The following CEP192 variants were observed in gnomAD, a reference collection of about 807,000 sequenced individuals.
CEP192 encodes centrosomal protein 192, also known as centrosomal protein of 192 kDa.
A neutral mutation model predicts 271.8 loss-of-function variants in CEP192; 151 were observed. That is an observed-to-expected ratio of 0.56 (90% CI 0.49 to 0.64). The LOEUF is 0.64. Among genes scored for constraint, CEP192 ranks in the 30% least tolerant of loss-of-function variants. CEP192 has a pLI of 0.00. For missense variants in CEP192, 2,910 were observed against 3,020.5 expected (o/e 0.96, Z 0.86); for synonymous variants, 995 against 1,076.5 (o/e 0.92, Z 1.48).
rs148922142 is a variant in CEP192, at chr18:13,049,473, T to A, written c.2682T>A (p.Asp894Glu). Residue 894 changes from aspartate to glutamate, a missense_variant, in exon 16 of 45, where the codon GAT becomes GAA. Physicochemically the swap from Asp to Glu is conservative, Grantham distance 45 (BLOSUM62 2). Transcript: ENST00000506447. ...ACAAATTACAAGATGTTGGTAACGA[T>A]GAAAAAGCTACCTCAATTTCCACTC... ...IDNKLQDVGN[D>E]EKATSISTPS... 6.2e-7 allele frequency: 1 copy of A among 1,614,106 alleles called. No homozygotes were observed. The highest frequency in any genetic ancestry group is 1.3e-5 in the African/African-American group (1 of 75,046).
At chr18:13,077,121 C>CA (rs541167592) in intron 30 of CEP192, among the ~76,000 whole-genome samples, 226 of 152,290 alleles carry the variant, frequency 1.5e-3, no homozygotes, top group African/African-American at 5.2e-3. Flanking sequence ...CAAGATAGTA[C>CA]AAACTGATGA....
chr18:13,088,753 G>C lies in CEP192; in HGVS notation c.5994-703G>C, dbSNP rs2039008592. The stretch of plus-strand genomic sequence containing the variant: ...AATTGTTTTGTTTTTAATTTGTTGA[G>C]GGTCATTGGAATGTTTTACAAGAGG... On this transcript the variant is annotated intron_variant, in intron 32 of 44. Transcript: ENST00000506447. 1.7e-5 allele frequency: 4 copies of C among 236,222 alleles called. No individual in the cohort carries two copies. The South Asian group carries it at 1.9e-4, about 11-fold the overall frequency. 14.6% of individuals were successfully genotyped at this position (236,222 alleles called of 1,614,324 possible).
chr18:13,089,909 T>A lies in CEP192; in HGVS notation c.6103+344T>A, dbSNP rs150106193. Among the ~76,000 whole-genome samples the A allele has an allele frequency of 2.8e-4, 42 of 152,362 alleles. No homozygotes were observed. The East Asian group carries it at 7.7e-3, about 28-fold the overall frequency. On this transcript the variant is annotated intron_variant, in intron 33 of 44. Coordinates refer to ENST00000506447, the MANE Select transcript of CEP192 (RefSeq NM_032142.4). ...CTTGTAAACAGGAAGAGGAAAATGG[T>A]CATTATTAAATCAAATTAATTGCTA...
At chr18:13,005,726 G>A (rs2033941411) in intron 3 of CEP192, among the ~76,000 whole-genome samples, 1 of 152,238 alleles carries the variant, frequency 6.6e-6, no homozygotes, top group African/African-American at 2.4e-5. Context: ...AGGGTCAGCA[G>A]CCTGGAGAGG....
rs187383421 is a variant in CEP192 at position 13,099,006 on chromosome 18, C to T, written c.6558-470C>T. Among the ~76,000 whole-genome samples, 20 of 152,234 alleles carry T rather than the reference C, an allele frequency of 1.3e-4. 1 individual carries two copies. The East Asian group carries it at 2.3e-3, about 18-fold the overall frequency. ...CAGCCTGGCCAACACAGCGAAACCCCGTCTCCACCAAAAAAATACGAAAAC... is the reference window on the plus strand; with the variant it reads ...CAGCCTGGCCAACACAGCGAAACCCTGTCTCCACCAAAAAAATACGAAAAC... On this transcript the variant is annotated intron_variant, in intron 36 of 44. Coordinates refer to ENST00000506447, the MANE Select transcript of CEP192 (RefSeq NM_032142.4).
chr18:13,068,535 T>G (rs2037836024), intron 24 of CEP192, 113 bp downstream of exon 24: 1 of 953,752 alleles, frequency 1.0e-6, no homozygotes, highest in Admixed American at 2.5e-5. Flanking sequence ...CTGTCAACTA[T>G]TTTATGTTTT....
rs139654577 is a variant in CEP192, at chr18:13,057,699, T to C, written c.4223T>C (p.Ile1408Thr). The stretch of plus-strand genomic sequence containing the variant: ...ACTGACCGCTGGCTGCAAGTCAGCA[T>C]TGGGGTCCTCAGCATTAGTGTTAAT... ...NPTDRWLQVSIGVLSISVNGE... is the reference protein window; with the variant it reads ...NPTDRWLQVSTGVLSISVNGE... Residue 1408 changes from isoleucine to threonine, a missense_variant, in exon 20 of 45, where the codon ATT becomes ACT. Transcript: ENST00000506447. 1.2e-5 allele frequency: 20 copies of C among 1,614,030 alleles called. No homozygotes were observed. The highest frequency in any genetic ancestry group is 1.6e-4 in the Middle Eastern group (1 of 6,066).
intron 3 of CEP192, among the ~76,000 whole-genome samples, chr18:13,003,048 A>C (rs967375176): frequency 7.2e-5 from 11 of 152,204 alleles, no homozygotes; most frequent in Admixed American, 2.0e-4. Context: ...AAATAGGCTA[A>C]TTTTATAGTA....
At chr18:13,063,697 G>A (rs1459554747) in intron 21 of CEP192, among the ~76,000 whole-genome samples, 1 of 151,910 alleles carries the variant, frequency 6.6e-6, no homozygotes, top group Non-Finnish European at 1.5e-5. Context: ...TGCATCCTTT[G>A]CTGGGTAGAA....
chr18:13,041,220 A>G (rs911633575), intron 14 of CEP192, among the ~76,000 whole-genome samples: 3 of 152,200 alleles, frequency 2.0e-5, no homozygotes, highest in Non-Finnish European at 4.4e-5. Flanking sequence ...AATGTTGGCT[A>G]TTGAATTATT....
At chr18:13,062,811 A>C (rs2037479865) in intron 21 of CEP192, among the ~76,000 whole-genome samples, 1 of 152,178 alleles carries the variant, frequency 6.6e-6, no homozygotes. Flanking sequence ...GTGCTGTCAA[A>C]TAGTAGGTCT....
At chr18:13,070,893 A>G in intron 27 of CEP192, 146 bp from the exon 28 acceptor site, 1 of 633,010 alleles carries the variant, frequency 1.6e-6, no homozygotes, top group East Asian at 2.7e-5. Flanking sequence ...TCTTGTCTGT[A>G]TTCTCTGCAG....
chr18:13,024,690 T>C (rs1599102748), intron 9 of CEP192, among the ~76,000 whole-genome samples: 1 of 152,162 alleles, frequency 6.6e-6, no homozygotes. Context: ...CTTGATCTCC[T>C]GACCTCATGA....
At chr18:13,080,046 G>A (rs1211967962) in intron 30 of CEP192, among the ~76,000 whole-genome samples, 1 of 152,172 alleles carries the variant, frequency 6.6e-6, no homozygotes, top group African/African-American at 2.4e-5. Context: ...TAGGCTTGTA[G>A]TATAGTTTGA....
intron 9 of CEP192, among the ~76,000 whole-genome samples, chr18:13,025,209 ATATTAT>A (rs537813819): frequency 1.5e-4 from 23 of 151,476 alleles, no homozygotes; most frequent in Admixed American, 1.1e-3. Flanking sequence ...TATTTTAAGA[ATATTAT>A]TATTATTATT....
rs1377068617 is a variant in CEP192, at chr18:13,023,509, G to A, written c.1050+4303G>A. Among the ~76,000 whole-genome samples, 7 of 149,816 alleles carry A rather than the reference G, an allele frequency of 4.7e-5. No homozygotes were observed. The East Asian group carries it at 7.8e-4, about 17-fold the overall frequency. On this transcript the variant is annotated intron_variant, in intron 9 of 44. Transcript: ENST00000506447. ...TTTTTTTGCAGCTATTGATATGATC[G>A]CATGATTTTGTTTTTTTTGTAGTCT...
intron 11 of CEP192, among the ~76,000 whole-genome samples, chr18:13,036,864 C>G (rs1263949171): frequency 6.6e-6 from 1 of 152,190 alleles, no homozygotes; most frequent in African/African-American, 2.4e-5. Flanking sequence ...TCATGACAAG[C>G]TTATAGAGGG....
intron 30 of CEP192, among the ~76,000 whole-genome samples, chr18:13,075,557 T>G (rs1258929473): frequency 3.9e-5 from 6 of 152,096 alleles, no homozygotes; most frequent in African/African-American, 1.4e-4. Context: ...AGAGCGAGAC[T>G]CCATCTCAAA....
intron 33 of CEP192, among the ~76,000 whole-genome samples, chr18:13,091,415 G>A (rs1167236875): frequency 6.6e-6 from 1 of 151,890 alleles, no homozygotes; most frequent in Non-Finnish European, 1.5e-5. Context: ...TTATTGCCCA[G>A]AGGAATGGAG....
Sources: gnomAD v4.1 joint callset for allele counts (sites outside exome capture counted in the v4.1 genomes callset) on GRCh38, gnomAD v4.1.1 for gene constraint, MANE v1.5 for transcripts, NCBI Gene and HGNC (gene_info 2026-07-23, HGNC 2026-07-21) for gene names.